Variants in STON2 observed in about 807,000 individuals in gnomAD.
STON2 encodes the protein stonin-2.
A neutral mutation model predicts 65.7 loss-of-function variants in STON2; 29 were observed. The observed-to-expected ratio is 0.44, with a 90% CI of 0.33 to 0.60. The LOEUF is 0.60. Among genes scored for constraint, STON2 ranks in the 20% least tolerant of loss-of-function variants. The pLI, the probability that STON2 is intolerant of heterozygous loss-of-function variation, is 0.03. For synonymous variants in STON2, 404 were observed against 414.2 expected (o/e 0.98, Z 0.30); for missense variants, 1,054 against 1,118.1 (o/e 0.94, Z 0.82).
At chr14:81,316,409 C>T (rs1896622254) in intron 5 of STON2, among the ~76,000 whole-genome samples, 1 of 152,210 alleles carries the variant, frequency 6.6e-6, no homozygotes, top group Non-Finnish European at 1.5e-5. Context: ...AAACACCTTC[C>T]TGCTAGATTT....
At chr14:81,432,343 A>G (rs1595479858) in intron 1 of STON2, among the ~76,000 whole-genome samples, 1 of 152,126 alleles carries the variant, frequency 6.6e-6, no homozygotes, top group East Asian at 1.9e-4. Context: ...ATCTCGTAGT[A>G]TAAGCCAAAC....
chr14:81,361,354 T>C (rs868855533), intron 4 of STON2, among the ~76,000 whole-genome samples: 1 of 152,048 alleles, frequency 6.6e-6, no homozygotes, highest in Non-Finnish European at 1.5e-5. Flanking sequence ...AAACCACACA[T>C]GTACAGTCAT....
intron 5 of STON2, among the ~76,000 whole-genome samples, chr14:81,288,771 A>G (rs371430815): frequency 6.7e-6 from 1 of 150,262 alleles, no homozygotes. Flanking sequence ...AAGGTGTCCT[A>G]TATCTACAGG....
At chr14:81,276,110 G>A (rs1894807264) in intron 6 of STON2, among the ~76,000 whole-genome samples, 1 of 152,200 alleles carries the variant, frequency 6.6e-6, no homozygotes, top group Non-Finnish European at 1.5e-5. Context: ...AGAAATATGT[G>A]TATTAGTGCT....
chr14:81,350,642 G>A (rs746941240), intron 4 of STON2, among the ~76,000 whole-genome samples: 4 of 152,042 alleles, frequency 2.6e-5, no homozygotes, highest in Non-Finnish European at 2.9e-5. Context: ...TTTCTTACCC[G>A]TAAAATGTGG....
chr14:81,336,728 A>C (rs116821063), intron 4 of STON2, among the ~76,000 whole-genome samples: 2,386 of 152,144 alleles, frequency 0.016, 82 homozygotes, highest in African/African-American at 0.056. Context: ...AAGGGAGCAC[A>C]ATGTAGAGGT....
intron 4 of STON2, among the ~76,000 whole-genome samples, chr14:81,349,282 A>C (rs1447334440): frequency 6.6e-6 from 1 of 152,136 alleles, no homozygotes; most frequent in Admixed American, 6.6e-5. Context: ...TAAAGGAAAT[A>C]ATAATAGTGC....
chr14:81,274,877 C>G (rs1211152873), intron 6 of STON2, among the ~76,000 whole-genome samples: 3 of 151,950 alleles, frequency 2.0e-5, no homozygotes, highest in African/African-American at 4.8e-5. Context: ...TGCACTTCAG[C>G]CTGGGCAACA....
rs2140078349 is a variant in STON2, at chr14:81,263,091, T to C, written c.*5323A>G. On this transcript the variant is annotated 3_prime_UTR_variant, in exon 8 of 8. Coordinates refer to ENST00000614646, the MANE Select transcript of STON2 (RefSeq NM_001394390.1). ...TGTGTGAGACAGTGCATTTACCAAATGATATTTTTTTGTGGATTTAATTTT... is the reference window on the plus strand; with the variant it reads ...TGTGTGAGACAGTGCATTTACCAAACGATATTTTTTTGTGGATTTAATTTT... The C allele has an allele frequency of 1.0e-6, 1 of 985,330 alleles. No homozygotes were observed. The highest frequency in any genetic ancestry group is 5.2e-4 in the Middle Eastern group (1 of 1,914). The allele number at this position is 985,330 out of a possible 1,614,324, so 61.0% of individuals were successfully genotyped here.
intron 4 of STON2, among the ~76,000 whole-genome samples, chr14:81,347,452 G>A (rs965570622): frequency 1.3e-5 from 2 of 151,706 alleles, no homozygotes; most frequent in African/African-American, 2.4e-5. Flanking sequence ...ACAAAGAAAA[G>A]CCCAGGGTCA....
At chr14:81,296,340 T>C (rs531189139) in intron 5 of STON2, among the ~76,000 whole-genome samples, 1 of 152,340 alleles carries the variant, frequency 6.6e-6, no homozygotes, top group East Asian at 1.9e-4. Flanking sequence ...TTGATTCCTG[T>C]TGACATTTAA....
chr14:81,424,312 C>T lies in STON2; in HGVS notation c.-199+2790G>A, dbSNP rs143713997. On this transcript the variant is annotated intron_variant, in intron 2 of 8. Coordinates refer to the STON2 transcript ENST00000553821. ...GATAAAAATTAGCTGGGAGTGGTGG[C>T]GCACACCTAAAACCCCAGCTACTTG... Among the ~76,000 whole-genome samples, 94 of 152,116 alleles carry T rather than the reference C, an allele frequency of 6.2e-4. 2 individuals are homozygous for T. In the South Asian group the frequency reaches 0.011, roughly 18 times the overall value.
intron 1 of STON2, among the ~76,000 whole-genome samples, chr14:81,432,561 A>G (rs1051085140): frequency 6.6e-6 from 1 of 152,210 alleles, no homozygotes; most frequent in South Asian, 2.1e-4. Context: ...TGGAATGACA[A>G]GAAGTGTGAT....
intron 3 of STON2, among the ~76,000 whole-genome samples, chr14:81,373,902 C>A (rs921114439): frequency 1.0e-4 from 15 of 149,074 alleles, no homozygotes; most frequent in African/African-American, 3.5e-4. Context: ...GCTAAAACTA[C>A]TTGTGTGGTC....
At chr14:81,343,635 C>T (rs68143923) in intron 4 of STON2, among the ~76,000 whole-genome samples, 54,949 of 152,028 alleles carry the variant, frequency 0.36, 10,572 homozygotes, top group African/African-American at 0.48. Flanking sequence ...TAGTTAGATG[C>T]AGCTGTTTTT....
At chr14:81,379,096 AGAT>A (rs1899391383) in intron 3 of STON2, among the ~76,000 whole-genome samples, 1 of 152,238 alleles carries the variant, frequency 6.6e-6, no homozygotes, top group Admixed American at 6.5e-5. Flanking sequence ...CATTATTTGC[AGAT>A]GATATTTTTG....
intron 5 of STON2, among the ~76,000 whole-genome samples, chr14:81,307,142 C>A (rs1277562748): frequency 6.6e-6 from 1 of 152,106 alleles, no homozygotes; most frequent in African/African-American, 2.4e-5. Flanking sequence ...TGAGCACAGG[C>A]CAGAATTAAC....
At chr14:81,269,824 T>A (rs1894500439) in intron 7 of STON2, 1 of 985,318 alleles carries the variant, frequency 1.0e-6, no homozygotes, top group Admixed American at 6.1e-5. Context: ...CACTTTCTAT[T>A]TATGTCAGAA....
chr14:81,346,595 G>A (rs116411813), intron 4 of STON2, among the ~76,000 whole-genome samples: 3 of 152,182 alleles, frequency 2.0e-5, no homozygotes, highest in African/African-American at 4.8e-5. Flanking sequence ...TATATTTATC[G>A]AACATTTATC....
Sources: gnomAD v4.1 joint callset for allele counts (sites outside exome capture counted in the v4.1 genomes callset) on GRCh38, gnomAD v4.1.1 for gene constraint, MANE v1.5 for transcripts, NCBI Gene and HGNC (gene_info 2026-07-23, HGNC 2026-07-21) for gene names.